Variants in AMMECR1L observed in about 807,000 individuals in gnomAD.
AMMECR1L encodes the protein AMMECR1 like.
A neutral mutation model predicts 36.8 loss-of-function variants in AMMECR1L; 4 were observed. The observed-to-expected ratio is 0.11, with a 90% CI of 0.05 to 0.25. The LOEUF (loss-of-function observed/expected upper bound fraction) is 0.25, where lower values mean the gene tolerates loss of function less well. Ranked by LOEUF, AMMECR1L falls within the 10% of genes least tolerant of loss-of-function variation. The probability of loss-of-function intolerance (pLI) is 1.00; values close to 1 mark genes in which losing one functional copy is unlikely to be tolerated. For synonymous variants in AMMECR1L, 147 were observed against 148.0 expected, an observed-to-expected ratio of 0.99 and a Z score of 0.05; for missense variants, 232 against 392.1, an observed-to-expected ratio of 0.59 and a Z score of 3.45.
chr2:127,873,263 A>G lies in AMMECR1L; in HGVS notation c.407+565T>C. On this transcript the variant is annotated intron_variant, in intron 3 of 7. Transcript: ENST00000272647. The surrounding 1 kb of genome is among the most constrained non-coding windows in gnomAD (Gnocchi z 5.2). ...ATTGCTTATTTAAGTCACTGAGACC[A>G]GTAGAGGGCTTGGGACAAGCAACAA... 1 of 985,486 alleles carries G rather than the reference A, an allele frequency of 1.0e-6. No homozygotes were observed. The highest frequency in any genetic ancestry group is 4.7e-5 in the South Asian group (1 of 21,290). The allele number at this position is 985,486 out of a possible 1,614,324, so 61.0% of individuals were successfully genotyped here. A position where few individuals can be genotyped will look rare whatever the true frequency, so the allele number is the denominator to read the frequency against.
chr2:127,880,358 T>C (rs146770616), intron 2 of AMMECR1L, among the ~76,000 whole-genome samples: 1 of 152,038 alleles, frequency 6.6e-6, no homozygotes, highest in Non-Finnish European at 1.5e-5. Context: ...ATGGAAACAA[T>C]ACTCATACCT....
chr2:127,878,603 A>C (rs1691353197), intron 2 of AMMECR1L, among the ~76,000 whole-genome samples: 1 of 152,214 alleles, frequency 6.6e-6, no homozygotes, highest in African/African-American at 2.4e-5. Flanking sequence ...TTCAAACCAC[A>C]CCAATGCAGA....
chr2:127,876,401 G>A (rs1443922229), intron 2 of AMMECR1L, among the ~76,000 whole-genome samples: 2 of 151,194 alleles, frequency 1.3e-5, no homozygotes, highest in Non-Finnish European at 2.9e-5. Context: ...GTGCGGTGGG[G>A]ATCCTCTCAC....
intron 2 of AMMECR1L, among the ~76,000 whole-genome samples, chr2:127,881,915 T>C (rs1691516419): frequency 6.6e-6 from 1 of 152,232 alleles, no homozygotes; most frequent in African/African-American, 2.4e-5. Flanking sequence ...TTTCTTTTCA[T>C]TCTGAGATGC....
intron 6 of AMMECR1L, chr2:127,867,304 T>TA (rs1363838933): frequency 1.0e-6 from 1 of 985,330 alleles, no homozygotes; most frequent in East Asian, 1.1e-4. Flanking sequence ...GGTTCCAACT[T>TA]AGACCAGCCT....
At chr2:127,877,080 G>T (rs2104770020) in intron 2 of AMMECR1L, among the ~76,000 whole-genome samples, 1 of 149,390 alleles carries the variant, frequency 6.7e-6, no homozygotes, top group Non-Finnish European at 1.5e-5. Flanking sequence ...TTAAAACAGT[G>T]ACTAGTATGT....
intron 3 of AMMECR1L, chr2:127,872,897 C>A (rs756187853): frequency 3.8e-6 from 3 of 792,544 alleles, no homozygotes; most frequent in Non-Finnish European, 4.6e-6. Context: ...CCCAAAAAAC[C>A]GAGCACACTT....
intron 3 of AMMECR1L, chr2:127,872,910 CT>C (rs1691053837): frequency 1.1e-6 from 1 of 870,622 alleles, no homozygotes; most frequent in Non-Finnish European, 1.4e-6. Flanking sequence ...GCACACTTCC[CT>C]CCAGGTTTCC....
chr2:127,885,119 G>C (rs1226025876), intron 1 of AMMECR1L: 5 of 984,476 alleles, frequency 5.1e-6, no homozygotes, highest in African/African-American at 1.7e-5. Context: ...CAGCGTGTCA[G>C]GTGGACGGAT....
rs1299014415 is a variant in AMMECR1L, at chr2:127,861,815, T to C, written c.*3279A>G. 6.6e-6 allele frequency: 1 copy of C among 152,230 alleles called. No individual in the cohort carries two copies. The highest frequency in any genetic ancestry group is 1.5e-5 in the Non-Finnish European group (1 of 68,018). The allele number at this position is 152,230 out of a possible 1,614,324, so 9.4% of individuals were successfully genotyped here. ...GAACGAAATGAACAAAAAGAACACA[T>C]AGCTCCCTAGGCTCCAGAATCTCAA... On this transcript the variant is annotated 3_prime_UTR_variant, in exon 8 of 8. Coordinates refer to ENST00000272647, the MANE Select transcript of AMMECR1L (RefSeq NM_001199140.2).
chr2:127,877,036 C>CATATATAT (rs10568778), intron 2 of AMMECR1L, among the ~76,000 whole-genome samples: 9 of 142,232 alleles, frequency 6.3e-5, no homozygotes, highest in Non-Finnish European at 1.4e-4. Flanking sequence ...TATATATATA[C>CATATATAT]ATATATATAT....
At chr2:127,868,682 C>G (rs528805016) in intron 6 of AMMECR1L, among the ~76,000 whole-genome samples, 14 of 152,242 alleles carry the variant, frequency 9.2e-5, no homozygotes, top group African/African-American at 3.1e-4. Context: ...TCTGCTCGAT[C>G]CACCCTACCT....
chr2:127,875,517 T>C (rs1299343573), intron 2 of AMMECR1L, among the ~76,000 whole-genome samples: 1 of 152,222 alleles, frequency 6.6e-6, no homozygotes, highest in Non-Finnish European at 1.5e-5. Flanking sequence ...GTGTAAATTC[T>C]TCAACCTTTT....
Position 127,864,952 on chromosome 2 carries a change from A to C in AMMECR1L, c.*142T>G. Reference sequence around the variant, plus strand: ...ACCCTACCCTCCCTCAGTCAGCGGGAGGCAGACTTGGCAACGGAAGCTAGC... The same window carrying C: ...ACCCTACCCTCCCTCAGTCAGCGGGCGGCAGACTTGGCAACGGAAGCTAGC... On this transcript the variant is annotated 3_prime_UTR_variant, in exon 8 of 8. Transcript: ENST00000272647. The C allele has an allele frequency of 1.6e-6, 1 of 621,752 alleles. No homozygotes were observed. The highest frequency in any genetic ancestry group is 2.1e-5 in the South Asian group (1 of 47,588). The allele number at this position is 621,752 out of a possible 1,614,324, so 38.5% of individuals were successfully genotyped here.
At chr2:127,880,773 TACACAC>T (rs56950354) in intron 2 of AMMECR1L, among the ~76,000 whole-genome samples, 30 of 149,010 alleles carry the variant, frequency 2.0e-4, no homozygotes, top group East Asian at 2.0e-3. Context: ...ACATACAGTA[TACACAC>T]ACACACACAC....
chr2:127,863,099 A>G lies in AMMECR1L; in HGVS notation c.*1995T>C, dbSNP rs2104736622. The G allele has an allele frequency of 6.5e-6, 1 of 152,714 alleles. No homozygotes were observed. The highest frequency in any genetic ancestry group is 1.5e-5 in the Non-Finnish European group (1 of 68,028). The allele number at this position is 152,714 out of a possible 1,614,324, so 9.5% of individuals were successfully genotyped here. ...ACAACTCTTAACATAGAACACTTGA[A>G]CAGTAATGAGTGTAGCCCTATGTAT... On this transcript the variant is annotated 3_prime_UTR_variant, in exon 8 of 8. Coordinates refer to ENST00000272647, the MANE Select transcript of AMMECR1L (RefSeq NM_001199140.2).
At position 127,883,103 on chromosome 2, in the gene AMMECR1L, C is replaced by CTT. The variant is rs70985485; in HGVS notation, c.-39+1098_-39+1099dup. 1.8e-3 allele frequency among the ~76,000 whole-genome samples: 252 copies of CTT among 141,472 alleles called. 2 individuals are homozygous for CTT. Among genetic ancestry groups the CTT allele is most frequent in the African/African-American group, 3.7e-3 (141 of 38,140 alleles). The allele number at this position is 141,472 out of a possible 152,430, so 92.8% of individuals were successfully genotyped here. A position where few individuals can be genotyped will look rare whatever the true frequency, so the allele number is the denominator to read the frequency against. The stretch of plus-strand genomic sequence containing the variant: ...ACATAAAGAACTGCAAATTTCTTTT[C>CTT]TTTTTTTTTTTTTAGACAGAGTCTC... On this transcript the variant is annotated intron_variant, in intron 2 of 7. Coordinates refer to ENST00000272647, the MANE Select transcript of AMMECR1L (RefSeq NM_001199140.2).
intron 2 of AMMECR1L, among the ~76,000 whole-genome samples, chr2:127,876,377 G>C (rs1292942826): frequency 4.6e-5 from 7 of 151,570 alleles, no homozygotes; most frequent in Non-Finnish European, 1.0e-4. Flanking sequence ...AAGGTGGTAG[G>C]GGGGCGGTGC....
At chr2:127,883,934 A>C (rs1030696684) in intron 2 of AMMECR1L, among the ~76,000 whole-genome samples, 1 of 152,232 alleles carries the variant, frequency 6.6e-6, no homozygotes, top group South Asian at 2.1e-4. Context: ...GTGAGGAGCC[A>C]GACCTTACAA....
Sources: allele counts gnomAD v4.1 joint callset (sites outside exome capture counted in the v4.1 genomes callset), GRCh38; gene constraint gnomAD v4.1.1; non-coding constraint Gnocchi (gnomAD v3.1); transcripts MANE v1.5; gene names NCBI Gene and HGNC (gene_info 2026-07-23, HGNC 2026-07-21).